NELL2: variants seen among roughly 807,000 people sequenced by gnomAD.
NELL2 encodes protein kinase C-binding protein NELL2.
NELL2 carries 41 observed loss-of-function variants against 109.6 expected under a neutral mutation model. The observed-to-expected ratio is 0.37, with a 90% CI of 0.29 to 0.49. The LOEUF is 0.49. Among genes scored for constraint, NELL2 ranks in the 20% least tolerant of loss-of-function variants. The pLI is 0.98. For missense variants in NELL2, 900 were observed against 1,008.3 expected (o/e 0.89, Z 1.45); for synonymous variants, 355 against 344.7 (o/e 1.03, Z -0.33).
chr12:44,584,299 A>G (rs1279125607), intron 15 of NELL2, among the ~76,000 whole-genome samples: 1 of 152,256 alleles, frequency 6.6e-6, no homozygotes, highest in Non-Finnish European at 1.5e-5. Context: ...ATGACTGGTC[A>G]GCCTGGCCTT....
At chr12:44,727,965 T>G (rs1422879814) in intron 9 of NELL2, among the ~76,000 whole-genome samples, 1 of 152,006 alleles carries the variant, frequency 6.6e-6, no homozygotes, top group African/African-American at 2.4e-5. Context: ...ATGGATGAAT[T>G]TCCCCTCAGC....
intron 2 of NELL2, among the ~76,000 whole-genome samples, chr12:44,859,804 G>C (rs1261850417): frequency 1.3e-5 from 2 of 152,174 alleles, no homozygotes; most frequent in African/African-American, 2.4e-5. Flanking sequence ...GACACTGAAA[G>C]TCGTTCACCT....
intron 1 of NELL2, among the ~76,000 whole-genome samples, chr12:44,919,401 T>C (rs1945852818): frequency 6.6e-6 from 1 of 152,016 alleles, no homozygotes; most frequent in Non-Finnish European, 1.5e-5. Flanking sequence ...TGTAACTGTG[T>C]TATTATTGTG....
intron 9 of NELL2, among the ~76,000 whole-genome samples, chr12:44,744,956 G>A (rs1702691398): frequency 6.6e-6 from 1 of 152,130 alleles, no homozygotes; most frequent in African/African-American, 2.4e-5. Flanking sequence ...CATTTTATGA[G>A]GCCAGCATCA....
intron 2 of NELL2, among the ~76,000 whole-genome samples, chr12:44,846,857 T>C (rs1398872248): frequency 6.6e-6 from 1 of 152,258 alleles, no homozygotes; most frequent in African/African-American, 2.4e-5. Context: ...ATTTGGTTTA[T>C]TTTAAGTTAT....
rs528636740 is a variant in NELL2 at position 44,892,764 on chromosome 12, C to T, written c.39-16864G>A. Among the ~76,000 whole-genome samples, 93 of 140,972 alleles carry T rather than the reference C, an allele frequency of 6.6e-4. 2 individuals carry two copies. In the South Asian group the frequency reaches 0.02, roughly 30 times the overall value. The allele number at this position is 140,972 out of a possible 152,430, so 92.5% of individuals were successfully genotyped here. ...AGTGAGCCGAGATCGCACCACTGCA[C>T]TCCAGGCTGGGCGACAGAGCGAGAC... On this transcript the variant is annotated intron_variant, in intron 1 of 20. Coordinates refer to the NELL2 transcript ENST00000333837.
chr12:44,529,490 T>C (rs1241043803), intron 16 of NELL2, among the ~76,000 whole-genome samples: 2 of 151,970 alleles, frequency 1.3e-5, no homozygotes, highest in East Asian at 1.9e-4. Context: ...TAGGGATACA[T>C]AGACGGCATT....
chr12:44,519,951 G>T, intron 19 of NELL2, 54 bp downstream of exon 19: 11 of 1,409,752 alleles, frequency 7.8e-6, no homozygotes, highest in South Asian at 1.2e-5. Context: ...TATTATCTAT[G>T]AGCCCTGGGT....
chr12:44,724,996 GACAAAAAAAACAAGCA>G (rs2136460935), intron 9 of NELL2, among the ~76,000 whole-genome samples: 1 of 151,876 alleles, frequency 6.6e-6, no homozygotes, highest in Admixed American at 6.6e-5. Context: ...CAACAAAGCT[GACAAAAAAAACAAGCA>G]ATAAGGAAGA....
At chr12:44,683,087 T>A (rs933551524) in intron 12 of NELL2, among the ~76,000 whole-genome samples, 4 of 152,234 alleles carry the variant, frequency 2.6e-5, no homozygotes, top group Non-Finnish European at 4.4e-5. Context: ...TATCCTCTTT[T>A]ATTTCATTGA....
chr12:44,685,338 A>C (rs2136382091), intron 12 of NELL2, among the ~76,000 whole-genome samples: 1 of 152,196 alleles, frequency 6.6e-6, no homozygotes, highest in East Asian at 1.9e-4. Flanking sequence ...TCCTGAATAC[A>C]GCACACTGAT....
At chr12:44,757,812 T>C (rs1170401129) in intron 9 of NELL2, among the ~76,000 whole-genome samples, 2 of 152,022 alleles carry the variant, frequency 1.3e-5, no homozygotes, top group Admixed American at 6.6e-5. Flanking sequence ...GAACAGTAAA[T>C]GTGAAAGACT....
At chr12:44,754,202 T>C (rs1041517247) in intron 9 of NELL2, among the ~76,000 whole-genome samples, 2 of 152,220 alleles carry the variant, frequency 1.3e-5, no homozygotes, top group Non-Finnish European at 2.9e-5. Flanking sequence ...AATTTTAAAG[T>C]ATGATATTCA....
chr12:44,801,876 T>A (rs1196383431), intron 3 of NELL2, among the ~76,000 whole-genome samples: 2 of 152,046 alleles, frequency 1.3e-5, no homozygotes, highest in Non-Finnish European at 2.9e-5. Context: ...CTATACGAGA[T>A]GTGCTGCACC....
At chr12:44,729,486 G>C (rs756607837) in intron 9 of NELL2, among the ~76,000 whole-genome samples, 5 of 151,092 alleles carry the variant, frequency 3.3e-5, no homozygotes, top group Non-Finnish European at 7.4e-5. Flanking sequence ...AATGACAATA[G>C]TAAGTCCTAC....
intron 14 of NELL2, among the ~76,000 whole-genome samples, chr12:44,607,505 GAAC>G (rs369340111): frequency 1.3e-5 from 2 of 152,038 alleles, no homozygotes; most frequent in African/African-American, 4.8e-5. Flanking sequence ...AAATTTATTT[GAAC>G]AACAAACAGC....
intron 2 of NELL2, among the ~76,000 whole-genome samples, chr12:44,869,558 T>C (rs952143844): frequency 1.3e-5 from 2 of 152,140 alleles, no homozygotes; most frequent in Non-Finnish European, 2.9e-5. Flanking sequence ...AAGAACCTTG[T>C]AGATCTCCCA....
intron 12 of NELL2, among the ~76,000 whole-genome samples, chr12:44,676,014 G>A (rs980051173): frequency 6.6e-6 from 1 of 152,096 alleles, no homozygotes; most frequent in Admixed American, 6.6e-5. Context: ...TATTTCCAAA[G>A]CTACATTTAT....
chr12:44,527,101 T>G (rs913607894), intron 16 of NELL2, among the ~76,000 whole-genome samples: 9 of 152,210 alleles, frequency 5.9e-5, no homozygotes, highest in Non-Finnish European at 1.5e-5. Flanking sequence ...AGCAAATAAT[T>G]TCTCTTTGTT....
Sources: gnomAD v4.1 joint callset for allele counts (sites outside exome capture counted in the v4.1 genomes callset) on GRCh38, gnomAD v4.1.1 for gene constraint, MANE v1.5 for transcripts, NCBI Gene and HGNC (gene_info 2026-07-23, HGNC 2026-07-21) for gene names.